Variants in PRKCA observed in about 807,000 individuals in gnomAD.
PRKCA encodes the protein protein kinase C alpha, also known as protein kinase C alpha type.
PRKCA carries 27 observed loss-of-function variants against 87.0 expected under a neutral mutation model. That is an observed-to-expected ratio of 0.31 (90% CI 0.23 to 0.43). The LOEUF (loss-of-function observed/expected upper bound fraction) is 0.43, where lower values mean the gene tolerates loss of function less well. PRKCA is among the 20% of genes least tolerant of loss of function. The pLI is 1.00. For missense variants in PRKCA, 518 were observed against 852.3 expected (o/e 0.61, Z 4.88); for synonymous variants, 329 against 311.1 (o/e 1.06, Z -0.61).
At chr17:66,439,477 G>A (rs1913602603) in intron 2 of PRKCA, among the ~76,000 whole-genome samples, 1 of 152,146 alleles carries the variant, frequency 6.6e-6, no homozygotes, top group Non-Finnish European at 1.5e-5. Flanking sequence ...ATCGTGCCCG[G>A]CCTTTTACCC....
At chr17:66,742,822 A>G in intron 13 of PRKCA, 62 bp downstream of exon 13, 1 of 1,569,132 alleles carries the variant, frequency 6.4e-7, no homozygotes, top group Non-Finnish European at 8.7e-7. Flanking sequence ...CAGCCCTCTC[A>G]TGGGTTATAG....
At chr17:66,610,031 G>A (rs1371814826) in intron 3 of PRKCA, among the ~76,000 whole-genome samples, 3 of 151,842 alleles carry the variant, frequency 2.0e-5, no homozygotes, top group Non-Finnish European at 2.9e-5. Flanking sequence ...CAAGATAAGG[G>A]TTCAGTCCCA....
chr17:66,798,426 T>C (rs1598953030), intron 16 of PRKCA, among the ~76,000 whole-genome samples: 4 of 136,570 alleles, frequency 2.9e-5, no homozygotes, highest in African/African-American at 8.8e-5. Flanking sequence ...GTGGTGGTGG[T>C]GGTGGTGACG....
intron 14 of PRKCA, among the ~76,000 whole-genome samples, chr17:66,782,488 G>T (rs1172938720): frequency 6.6e-6 from 1 of 152,138 alleles, no homozygotes; most frequent in South Asian, 2.1e-4. Context: ...CAACACAGAA[G>T]CTGCATCGGC....
At chr17:66,350,553 T>A (rs974397782) in intron 2 of PRKCA, among the ~76,000 whole-genome samples, 2 of 152,182 alleles carry the variant, frequency 1.3e-5, no homozygotes, top group African/African-American at 4.8e-5. Context: ...GACAGGATCT[T>A]ACTCTCTCAC....
chr17:66,306,239 A>G, intron 2 of PRKCA, 112 bp downstream of exon 2: 1 of 1,203,726 alleles, frequency 8.3e-7, no homozygotes, highest in Non-Finnish European at 1.2e-6. Context: ...TTATTTAGAT[A>G]ATTTTGAAAT....
chr17:66,777,421 T>TGGGGGGC, intron 14 of PRKCA: 1 of 256,690 alleles, frequency 3.9e-6, no homozygotes, highest in Non-Finnish European at 5.8e-6. Flanking sequence ...TTTATTTAGT[T>TGGGGGGC]CCCCTCCCCC....
intron 5 of PRKCA, among the ~76,000 whole-genome samples, chr17:66,658,167 G>A (rs1193996815): frequency 6.6e-6 from 1 of 152,108 alleles, no homozygotes; most frequent in African/African-American, 2.4e-5. Context: ...CCCAGTAAAG[G>A]GGAAAGCCCC....
At chr17:66,310,253 A>C (rs996919094) in intron 2 of PRKCA, among the ~76,000 whole-genome samples, 1 of 151,292 alleles carries the variant, frequency 6.6e-6, no homozygotes, top group African/African-American at 2.4e-5. Context: ...ATCACAAATG[A>C]AAATGTGCTA....
In PRKCA at chr17:66,551,790, A is replaced by T. The variant is rs571425205; in HGVS notation, c.288+55507A>T. Among the ~76,000 whole-genome samples, 18 of 149,324 alleles carry T rather than the reference A, an allele frequency of 1.2e-4. No individual in the cohort carries two copies. In the East Asian group the frequency reaches 1.8e-3, roughly 15 times the overall value. The stretch of plus-strand genomic sequence containing the variant: ...GAATCCTAATTTATATATATATATG[A>T]GAGAGAGAGGGGGGAATTATCTTTC... On this transcript the variant is annotated intron_variant, in intron 3 of 16. Transcript: ENST00000413366.
rs569937164 is a variant in PRKCA at position 66,377,449 on chromosome 17, A to G, written c.205+71322A>G. Among the ~76,000 whole-genome samples the G allele has an allele frequency of 5.9e-5, 9 of 151,704 alleles. No individual in the cohort carries two copies. The South Asian group carries it at 1.9e-3, about 32-fold the overall frequency. On this transcript the variant is annotated intron_variant, in intron 2 of 16. Coordinates refer to ENST00000413366, the MANE Select transcript of PRKCA (RefSeq NM_002737.3). Reference sequence around the variant, plus strand: ...GGCTGAGCTAATGCAGAGCCTAGGTACACAGCTGCTTTTATATATATAGAT... The same window carrying G: ...GGCTGAGCTAATGCAGAGCCTAGGTGCACAGCTGCTTTTATATATATAGAT...
At chr17:66,578,490 T>C (rs752910976) in intron 3 of PRKCA, among the ~76,000 whole-genome samples, 1 of 152,178 alleles carries the variant, frequency 6.6e-6, no homozygotes, top group Non-Finnish European at 1.5e-5. Flanking sequence ...CGAGGTGGTC[T>C]CAGCAAGCCT....
At chr17:66,632,085 G>A (rs1410746765) in intron 3 of PRKCA, among the ~76,000 whole-genome samples, 1 of 152,106 alleles carries the variant, frequency 6.6e-6, no homozygotes, top group Non-Finnish European at 1.5e-5. Context: ...AGTGAGATGA[G>A]GTGGTTGCGC....
At chr17:66,681,843 G>A (rs1453867088) in intron 5 of PRKCA, among the ~76,000 whole-genome samples, 4 of 152,192 alleles carry the variant, frequency 2.6e-5, no homozygotes, top group African/African-American at 7.2e-5. Context: ...TCACTCGGGT[G>A]CCTGCAAGCC....
chr17:66,678,124 G>A (rs1972386169), intron 5 of PRKCA, among the ~76,000 whole-genome samples: 1 of 152,214 alleles, frequency 6.6e-6, no homozygotes, highest in Non-Finnish European at 1.5e-5. Flanking sequence ...TGGATGATCT[G>A]GATGGGCCCT....
intron 3 of PRKCA, among the ~76,000 whole-genome samples, chr17:66,528,391 C>G (rs1286959820): frequency 6.6e-6 from 1 of 152,090 alleles, no homozygotes; most frequent in Non-Finnish European, 1.5e-5. Flanking sequence ...TGGAAAAGAG[C>G]ATAATGCAGA....
At chr17:66,718,005 G>T (rs1291407546) in intron 8 of PRKCA, among the ~76,000 whole-genome samples, 1 of 152,206 alleles carries the variant, frequency 6.6e-6, no homozygotes, top group African/African-American at 2.4e-5. Flanking sequence ...TGTGCAACCA[G>T]AAAAATGCCG....
At chr17:66,309,158 A>G (rs1030412810) in intron 2 of PRKCA, among the ~76,000 whole-genome samples, 3 of 152,176 alleles carry the variant, frequency 2.0e-5, no homozygotes, top group Non-Finnish European at 4.4e-5. Flanking sequence ...GTATGCTCCC[A>G]GTGACTCACA....
intron 2 of PRKCA, among the ~76,000 whole-genome samples, chr17:66,426,529 G>A (rs543641203): frequency 1.3e-5 from 2 of 152,300 alleles, no homozygotes; most frequent in African/African-American, 2.4e-5. Flanking sequence ...TTGCAGAGGG[G>A]AGGTGGTTTG....
Sources: gnomAD v4.1 joint callset for allele counts (sites outside exome capture counted in the v4.1 genomes callset) on GRCh38, gnomAD v4.1.1 for gene constraint, MANE v1.5 for transcripts, NCBI Gene and HGNC (gene_info 2026-07-23, HGNC 2026-07-21) for gene names.